CD163L1: variants seen among roughly 807,000 people sequenced by gnomAD.
The protein encoded by CD163L1 is CD163 molecule like 1.
CD163L1 carries 124 observed loss-of-function variants against 165.4 expected under a neutral mutation model. The ratio of observed to expected loss-of-function variants is 0.75; its 90% confidence interval spans 0.65 to 0.87. The LOEUF is 0.87. Among genes scored for constraint, CD163L1 ranks in the 40% least tolerant of loss-of-function variants. CD163L1 has a pLI of 0.00. For synonymous variants in CD163L1, 585 were observed against 662.2 expected, an observed-to-expected ratio of 0.88 and a Z score of 1.79; for missense variants, 1,525 against 1,799.9, an observed-to-expected ratio of 0.85 and a Z score of 2.76.
intron 4 of CD163L1, among the ~76,000 whole-genome samples, chr12:7,415,553 T>C (rs1002180196): frequency 4.6e-5 from 7 of 152,048 alleles, no homozygotes; most frequent in African/African-American, 7.2e-5. Context: ...ATAAAGTATT[T>C]CTTCTAATGC....
intron 6 of CD163L1, among the ~76,000 whole-genome samples, chr12:7,399,821 T>C (rs1947882361): frequency 6.6e-6 from 1 of 152,032 alleles, no homozygotes; most frequent in African/African-American, 2.4e-5. Context: ...CCCAGGCTGG[T>C]CTAGAACCCC....
chr12:7,350,909 G>A (rs966923501), downstream of CD163L1, among the ~76,000 whole-genome samples: 1 of 151,976 alleles, frequency 6.6e-6, no homozygotes, highest in African/African-American at 2.4e-5. Flanking sequence ...TCATCAATAT[G>A]TATTTTATAA....
chr12:7,416,593 G>A (rs1417817227), intron 4 of CD163L1, among the ~76,000 whole-genome samples: 5 of 152,108 alleles, frequency 3.3e-5, no homozygotes, highest in African/African-American at 1.2e-4. Flanking sequence ...ATTAATTTTT[G>A]TATAAGGTGT....
At chr12:7,421,580 CAT>C (rs1272140901) in intron 4 of CD163L1, among the ~76,000 whole-genome samples, 1 of 122,116 alleles carries the variant, frequency 8.2e-6, no homozygotes, top group Non-Finnish European at 1.6e-5. Flanking sequence ...TATACATGTA[CAT>C]ATATACATAT....
chr12:7,323,419 A>C, the CD163L1 span: 1 of 1,608,384 alleles, frequency 6.2e-7, no homozygotes, highest in African/African-American at 1.3e-5. Context: ...TTTTTGTGAA[A>C]AGAAAATTTT....
chr12:7,427,342 G>A (rs180816797), intron 4 of CD163L1, among the ~76,000 whole-genome samples: 1 of 152,002 alleles, frequency 6.6e-6, no homozygotes, highest in African/African-American at 2.4e-5. Flanking sequence ...AAAACCAGAA[G>A]TCATTGATAA....
chr12:7,322,597 T>G, the CD163L1 span: 1 of 1,546,442 alleles, frequency 6.5e-7, no homozygotes. Context: ...TGCCCCAGGT[T>G]TTTCAACTGA....
chr12:7,399,313 T>C (rs1446354904), intron 6 of CD163L1, among the ~76,000 whole-genome samples: 1 of 150,970 alleles, frequency 6.6e-6, no homozygotes, highest in African/African-American at 2.4e-5. Flanking sequence ...TTCTTTCTTT[T>C]CTTTCTTCTC....
intron 8 of CD163L1, among the ~76,000 whole-genome samples, chr12:7,389,973 T>TTTATATATATAA (rs59589429): frequency 6.2e-5 from 9 of 146,264 alleles, no homozygotes; most frequent in Non-Finnish European, 1.0e-4. Flanking sequence ...TATATATATA[T>TTTATATATATAA]ATATATATAT....
At chr12:7,373,244 T>G in intron 14 of CD163L1, 76 bp downstream of exon 14, 6 of 1,290,480 alleles carry the variant, frequency 4.6e-6, no homozygotes, top group Non-Finnish European at 6.5e-6. Flanking sequence ...TGCTCCTGAA[T>G]GGAAAGATTT....
chr12:7,345,687 T>C (rs1946665328), downstream of CD163L1, among the ~76,000 whole-genome samples: 1 of 152,236 alleles, frequency 6.6e-6, no homozygotes, highest in Non-Finnish European at 1.5e-5. Flanking sequence ...GTTAGGCTGT[T>C]CTTGTGTTGC....
chr12:7,384,200 A>G (rs766403024), intron 8 of CD163L1, among the ~76,000 whole-genome samples: 1 of 152,126 alleles, frequency 6.6e-6, no homozygotes, highest in Non-Finnish European at 1.5e-5. Context: ...CAGAAGAAAG[A>G]ACTGCAGAAC....
intron 2 of CD163L1, chr12:7,438,966 T>C: frequency 2.5e-6 from 4 of 1,608,380 alleles, no homozygotes; most frequent in South Asian, 2.2e-5. Context: ...AGCTTCCTGC[T>C]CTCTCTAGTG....
intron 4 of CD163L1, among the ~76,000 whole-genome samples, chr12:7,427,831 A>G (rs1242876856): frequency 2.0e-5 from 3 of 152,108 alleles, no homozygotes; most frequent in South Asian, 2.1e-4. Flanking sequence ...GTACTGGTCA[A>G]TGATTAATTA....
chr12:7,421,411 ATG>A (rs1248216627), intron 4 of CD163L1, among the ~76,000 whole-genome samples: 1 of 97,324 alleles, frequency 1.0e-5, no homozygotes. Flanking sequence ...TATCTTCCAA[ATG>A]TATATATACA....
the CD163L1 span, among the ~76,000 whole-genome samples, chr12:7,332,902 C>A: frequency 6.6e-6 from 1 of 152,184 alleles, no homozygotes; most frequent in Non-Finnish European, 1.5e-5. Context: ...CAGCTAACAT[C>A]ATAATGACAG....
At chr12:7,396,512 C>T (rs1947779859) in intron 7 of CD163L1, 97 bp from the exon 8 acceptor site, 8 of 1,182,458 alleles carry the variant, frequency 6.8e-6, no homozygotes, top group Non-Finnish European at 9.4e-6. Context: ...TTTGGTCAAA[C>T]ACCAGTCTAG....
chr12:7,402,085 C>G (rs1266559529), intron 6 of CD163L1, among the ~76,000 whole-genome samples: 1 of 151,776 alleles, frequency 6.6e-6, no homozygotes, highest in East Asian at 2.0e-4. Flanking sequence ...ACTAACCTGA[C>G]ATTCTTGAAT....
At chr12:7,405,972 A>C (rs2136530167) in intron 5 of CD163L1, among the ~76,000 whole-genome samples, 1 of 152,336 alleles carries the variant, frequency 6.6e-6, no homozygotes, top group East Asian at 1.9e-4. Context: ...GCGAGGGGTA[A>C]CTTGCTTGTA....
Sources: allele counts gnomAD v4.1 joint callset (sites outside exome capture counted in the v4.1 genomes callset), GRCh38; gene constraint gnomAD v4.1.1; transcripts MANE v1.5; gene names NCBI Gene and HGNC (gene_info 2026-07-23, HGNC 2026-07-21).